The following GALNT11 variants were observed in gnomAD, a reference collection of about 807,000 sequenced individuals.
The protein encoded by GALNT11 is polypeptide N-acetylgalactosaminyltransferase 11, also known as UDP-GalNAc:polypeptide N-acetylgalactosaminyltransferase 11.
Under a neutral mutation model 72.7 loss-of-function variants are expected in GALNT11, and 47 were observed. The ratio of observed to expected loss-of-function variants is 0.65; its 90% CI spans 0.51 to 0.82. The LOEUF is 0.82. Ranked by LOEUF, GALNT11 falls within the 40% of genes least tolerant of loss-of-function variation. The pLI is 0.00. For missense variants in GALNT11, 677 were observed against 778.4 expected (o/e 0.87, Z 1.55); for synonymous variants, 270 against 286.6 (o/e 0.94, Z 0.58).
intron 1 of GALNT11, among the ~76,000 whole-genome samples, chr7:152,049,140 T>C (rs1401043389): frequency 1.3e-5 from 2 of 152,132 alleles, no homozygotes; most frequent in Non-Finnish European, 2.9e-5. Context: ...ATTTAGTTCA[T>C]TTGGTGAGGT....
At chr7:152,036,710 G>A (rs1257740978) in intron 1 of GALNT11, among the ~76,000 whole-genome samples, 1 of 152,172 alleles carries the variant, frequency 6.6e-6, no homozygotes, top group Non-Finnish European at 1.5e-5. Context: ...CACCAATGGT[G>A]TATGAGGATT....
intron 4 of GALNT11, chr7:152,104,635 G>C (rs2087328854): frequency 6.6e-6 from 1 of 152,014 alleles, no homozygotes; most frequent in South Asian, 2.1e-4. Flanking sequence ...GAGGTGGTTT[G>C]TATATTAACT....
At chr7:152,055,839 G>A (rs1396560566) in intron 1 of GALNT11, among the ~76,000 whole-genome samples, 1 of 151,972 alleles carries the variant, frequency 6.6e-6, no homozygotes, top group East Asian at 1.9e-4. Flanking sequence ...TGTGATAATT[G>A]TAGATTCACA....
At chr7:152,069,211 T>G (rs1362910424) in intron 1 of GALNT11, among the ~76,000 whole-genome samples, 1 of 152,250 alleles carries the variant, frequency 6.6e-6, no homozygotes, top group Non-Finnish European at 1.5e-5. Context: ...TTTAGAAATG[T>G]GTTAATTTCT....
At chr7:152,072,651 G>C (rs868532670) in intron 1 of GALNT11, among the ~76,000 whole-genome samples, 8,134 of 152,246 alleles carry the variant, frequency 0.053, 740 homozygotes, top group African/African-American at 0.19. Flanking sequence ...TTATTACTTT[G>C]TAAATCCTTT....
Position 152,103,193 on chromosome 7 carries a change from G to A in GALNT11, c.501G>A (p.Leu167=). Residue 167 remains leucine, a synonymous_variant, in exon 4 of 12, where the codon TTG becomes TTA. Coordinates refer to ENST00000430044, the MANE Select transcript of GALNT11 (RefSeq NM_022087.4). The part of the protein sequence containing the change: ...ICFYNEAFSA[L]LRTVHSVIDR... ...TCTATAATGAAGCGTTTTCTGCCTT[G>A]CTTCGGACAGTGCACAGTGTCATAG... 1 of 1,613,476 alleles carries A rather than the reference G, an allele frequency of 6.2e-7. No homozygotes were observed. Among genetic ancestry groups the A allele is most frequent in the Non-Finnish European group, 8.5e-7 (1 of 1,179,716 alleles).
Position 152,121,533 on chromosome 7 carries a change from AC to A in GALNT11, c.1696-11del. ...TAATTGGCAGTATTTTTTTGTTGCT[AC>A]CTTTTTTTCAGAAAAACAATCGGCT... is the stretch of plus-strand genomic sequence containing the variant. On this transcript the variant is annotated splice_polypyrimidine_tract_variant and intron_variant, in intron 11 of 11. Transcript: ENST00000430044. The A allele has an allele frequency of 6.2e-7, 1 of 1,601,042 alleles. No homozygotes were observed. The highest frequency in any genetic ancestry group is 8.5e-7 in the Non-Finnish European group (1 of 1,174,554).
In GALNT11 at chr7:152,120,837, A is replaced by T. The variant is rs1319524338; in HGVS notation, c.1564A>T (p.Ile522Phe). 12 of 1,603,236 alleles carry T rather than the reference A, an allele frequency of 7.5e-6. No individual in the cohort carries two copies. In the Admixed American group the frequency reaches 1.0e-4, roughly 13 times the overall value. The change falls in exon 11 of 12, where the codon ATC becomes TTC. Residue 522 changes from isoleucine to phenylalanine, a missense_variant. By Grantham distance (21) the Ile-to-Phe change is conservative. Transcript: ENST00000430044. ...CDYSDPNQIWIYNEEHELVLN... is the reference protein window; with the variant it reads ...CDYSDPNQIWFYNEEHELVLN... ...TTTTATTTTTCTTCTCTAGATCTGG[A>T]TCTATAATGAAGAGCATGAATTGGT...
rs544724614 is a variant in GALNT11 at position 152,062,402 on chromosome 7, C to G, written c.-38-31788C>G. Among the ~76,000 whole-genome samples, 6 of 152,290 alleles carry G rather than the reference C, an allele frequency of 3.9e-5. No individual in the cohort carries two copies. The East Asian group carries it at 1.2e-3, about 29-fold the overall frequency. ...AGGTTTTCTAAATATACAATCATGT[C>G]ATCTGCAAACAGGGACAATTTGACT... On this transcript the variant is annotated intron_variant, in intron 1 of 11. Coordinates refer to ENST00000430044, the MANE Select transcript of GALNT11 (RefSeq NM_022087.4).
At chr7:152,100,673 GT>G in intron 2 of GALNT11, 124 bp from the exon 3 acceptor site, 1 of 1,237,636 alleles carries the variant, frequency 8.1e-7, no homozygotes, top group Non-Finnish European at 1.1e-6. Flanking sequence ...GACAACCTAA[GT>G]TTGAGAAAAG....
At position 152,120,807 on chromosome 7, in the gene GALNT11, TTTTA is replaced by T. The variant is rs766694517; in HGVS notation, c.1558-20_1558-17del. ...TCAGTCTTAAAATTCGTTATCTAAA[TTTTA>T]TTTTATTTTTCTTCTCTAGATCTGG... is the stretch of plus-strand genomic sequence containing the variant. On this transcript the variant is annotated intron_variant, in intron 10 of 11. Coordinates refer to ENST00000430044, the MANE Select transcript of GALNT11 (RefSeq NM_022087.4). The T allele has an allele frequency of 8.3e-6, 13 of 1,570,230 alleles. No homozygotes were observed. The East Asian group carries it at 9.0e-5, about 11-fold the overall frequency.
At position 152,108,241 on chromosome 7, in the gene GALNT11, C is replaced by G; in HGVS notation, c.916C>G (p.Pro306Ala). The change falls in exon 6 of 12, where the codon CCC becomes GCC. Residue 306 changes from proline (P) to alanine (A), a missense_variant. Coordinates refer to ENST00000430044, the MANE Select transcript of GALNT11 (RefSeq NM_022087.4). ...ACTGCACTTCAAATGGGATCTTGTC[C>G]CCCTTTCTGAGCTAGGACGAGCGGA... ...WGLHFKWDLV[P>A]LSELGRAEGA... is the part of the protein sequence containing the mutation. The G allele has an allele frequency of 6.2e-7, 1 of 1,614,028 alleles. No homozygotes were observed. Among genetic ancestry groups the G allele is most frequent in the Non-Finnish European group, 8.5e-7 (1 of 1,179,864 alleles).
At chr7:152,061,750 G>T (rs1286516364) in intron 1 of GALNT11, among the ~76,000 whole-genome samples, 1 of 152,174 alleles carries the variant, frequency 6.6e-6, no homozygotes, top group Non-Finnish European at 1.5e-5. Context: ...CCCATTTATT[G>T]TTTTTGTCAG....
intron 1 of GALNT11, among the ~76,000 whole-genome samples, chr7:152,028,392 G>C (rs918637731): frequency 6.6e-6 from 1 of 151,822 alleles, no homozygotes; most frequent in Non-Finnish European, 1.5e-5. Flanking sequence ...GACACAGAGC[G>C]CTGATTGGTG....
At chr7:152,054,176 T>A (rs2152037480) in intron 1 of GALNT11, among the ~76,000 whole-genome samples, 1 of 152,242 alleles carries the variant, frequency 6.6e-6, no homozygotes, top group Admixed American at 6.5e-5. Context: ...TGACTTATAG[T>A]AATAGCTTTA....
chr7:152,029,148 A>G (rs1321998982), intron 1 of GALNT11, among the ~76,000 whole-genome samples: 2 of 152,092 alleles, frequency 1.3e-5, no homozygotes, highest in Admixed American at 1.3e-4. Flanking sequence ...TTCCCCTAAG[A>G]AGGTGCAGAG....
In GALNT11 at chr7:152,042,973, T is replaced by G. The variant is rs544461253; in HGVS notation, c.-39+17089T>G. The stretch of plus-strand genomic sequence containing the variant: ...TCCTGTATCTACCAAACCTTTAAAT[T>G]TCTTTCCCTGAATAGTTATTTCACA... On this transcript the variant is annotated intron_variant, in intron 1 of 11. Transcript: ENST00000430044. Among the ~76,000 whole-genome samples the G allele has an allele frequency of 2.0e-5, 3 of 152,328 alleles. No individual in the cohort carries two copies. In the East Asian group the frequency reaches 5.8e-4, roughly 29 times the overall value.
chr7:152,054,622 C>T (rs994837235), intron 1 of GALNT11, among the ~76,000 whole-genome samples: 1 of 147,802 alleles, frequency 6.8e-6, no homozygotes, highest in Non-Finnish European at 1.5e-5. Flanking sequence ...AGTGATCCTT[C>T]TGCTGCAGTC....
At chr7:152,032,132 G>A (rs188061594) in intron 1 of GALNT11, among the ~76,000 whole-genome samples, 4 of 151,068 alleles carry the variant, frequency 2.6e-5, no homozygotes, top group South Asian at 2.1e-4. Context: ...TGAGGCTTCC[G>A]AACTGGTAGC....
Sources: gnomAD v4.1 joint callset for allele counts (sites outside exome capture counted in the v4.1 genomes callset) on GRCh38, gnomAD v4.1.1 for gene constraint, MANE v1.5 for transcripts, NCBI Gene and HGNC (gene_info 2026-07-23, HGNC 2026-07-21) for gene names.